The following ZNF75D variants were observed in gnomAD, a reference collection of about 807,000 sequenced individuals.
ZNF75D encodes zinc finger protein 75.
ZNF75D carries 33 observed loss-of-function variants against 33.3 expected under a neutral mutation model. The observed-to-expected ratio is 0.99, with a 90% CI of 0.75 to 1.32. The LOEUF is 1.32. ZNF75D is among the 40% of genes most tolerant of loss of function. ZNF75D has a pLI of 0.00. For missense variants in ZNF75D, 338 were observed against 367.5 expected (o/e 0.92, Z 0.66); for synonymous variants, 113 against 130.6 (o/e 0.87, Z 0.92).
rs2083961605 is a variant in ZNF75D at position 135,286,922 on chromosome X, T to C, written c.*215A>G. 7.5e-6 allele frequency: 3 copies of C among 401,384 alleles called. No individual in the cohort carries two copies. Among genetic ancestry groups the C allele is most frequent in the African/African-American group, 5.2e-5 (2 of 38,712 alleles). 33.1% of individuals were successfully genotyped at this position (401,384 alleles called of 1,213,427 possible). A position where few individuals can be genotyped will look rare whatever the true frequency, so the allele number is the denominator to read the frequency against. ...AGGAATCTCATCACTACACTTTCATTTTTTTATTTATAAAGTACTCCTTAT... is the reference window on the plus strand; with the variant it reads ...AGGAATCTCATCACTACACTTTCATCTTTTTATTTATAAAGTACTCCTTAT... On this transcript the variant is annotated 3_prime_UTR_variant, in exon 7 of 7. Coordinates refer to ENST00000370766, the MANE Select transcript of ZNF75D (RefSeq NM_007131.5).
chrX:135,289,638 ACACAC>A (rs2084009349), intron 6 of ZNF75D, among the ~76,000 whole-genome samples: 3 of 55,078 alleles, frequency 5.4e-5, no homozygotes, highest in African/African-American at 1.4e-4. Flanking sequence ...ACACACACAC[ACACAC>A]ACACACACAC....
intron 1 of ZNF75D, among the ~76,000 whole-genome samples, chrX:135,337,724 C>T (rs1369214134): frequency 9.0e-6 from 1 of 110,569 alleles, no homozygotes; most frequent in Admixed American, 9.7e-5. Context: ...TCCAAGCAGT[C>T]GTCAAATGCT....
intron 1 of ZNF75D, among the ~76,000 whole-genome samples, chrX:135,329,175 T>C (rs782122623): frequency 2.7e-5 from 3 of 112,820 alleles, no homozygotes; most frequent in Non-Finnish European, 5.6e-5. Context: ...CTTTTATATA[T>C]GGCTCCATGA....
rs1556419578 is a variant in ZNF75D at position 135,286,865 on chromosome X, A to T, written c.*272T>A. 3.6e-6 allele frequency: 1 copy of T among 274,759 alleles called. No individual in the cohort carries two copies. Among genetic ancestry groups the T allele is most frequent in the African/African-American group, 2.8e-5 (1 of 35,415 alleles). 22.6% of individuals were successfully genotyped at this position (274,759 alleles called of 1,213,427 possible). On this transcript the variant is annotated 3_prime_UTR_variant, in exon 7 of 7. Transcript: ENST00000370766. Reference sequence around the variant, plus strand: ...GACTGGGGGTGGGGAAGCTTTGAATAACCAGATATATACATATAGATAGAT... The same window carrying T: ...GACTGGGGGTGGGGAAGCTTTGAATTACCAGATATATACATATAGATAGAT...
At position 135,291,146 on chromosome X, in the gene ZNF75D, G is replaced by A. The variant is rs1556421144; in HGVS notation, c.697-11C>T. ...AAATGTCAACAAACTCTAAAGAAGA[G>A]AATGGGCTATAGTTTAGTACTTGCC... On this transcript the variant is annotated splice_polypyrimidine_tract_variant and intron_variant, in intron 5 of 6. Coordinates refer to ENST00000370766, the MANE Select transcript of ZNF75D (RefSeq NM_007131.5). 3 of 1,210,695 alleles carry A rather than the reference G, an allele frequency of 2.5e-6. No individual in the cohort carries two copies. The highest frequency in any genetic ancestry group is 2.2e-5 in the Admixed American group (1 of 45,981).
chrX:135,324,738 G>A (rs1476481886), intron 1 of ZNF75D, among the ~76,000 whole-genome samples: 2 of 112,297 alleles, frequency 1.8e-5, no homozygotes, highest in African/African-American at 3.2e-5. Context: ...AGATGCCCAC[G>A]CTCTAACATT....
chrX:135,288,987 T>C (rs1556420486), intron 6 of ZNF75D, among the ~76,000 whole-genome samples: 1 of 112,677 alleles, frequency 8.9e-6, no homozygotes, highest in African/African-American at 3.2e-5. Flanking sequence ...TAAACCTTGG[T>C]TGGTCCCTGA....
intron 1 of ZNF75D, among the ~76,000 whole-genome samples, chrX:135,260,792 A>G (rs191560156): frequency 1.1e-4 from 12 of 110,760 alleles, no homozygotes; most frequent in Admixed American, 2.9e-4. Context: ...TTGTGTCTCT[A>G]TCTCCTTCAG....
intron 1 of ZNF75D, among the ~76,000 whole-genome samples, chrX:135,261,929 T>C (rs2083844355): frequency 8.9e-6 from 1 of 112,204 alleles, no homozygotes; most frequent in African/African-American, 3.2e-5. Flanking sequence ...TTGCAGTGAC[T>C]GGTACTGGTT....
intron 1 of ZNF75D, among the ~76,000 whole-genome samples, chrX:135,316,014 CT>C (rs2084416558): frequency 9.0e-6 from 1 of 111,156 alleles, no homozygotes; most frequent in Admixed American, 9.5e-5. Context: ...CTTTTTTTCC[CT>C]TATCGTTTGT....
rs1407020353 is a variant in ZNF75D at position 135,343,604 on chromosome X, G to A, written c.-2227C>T. The stretch of plus-strand genomic sequence containing the variant: ...GTCGGGCGGGAGCAGCAGGAGTTCT[G>A]GCTCCGGGCGTAGGAACTTCCATAG... On this transcript the variant is annotated 5_prime_UTR_variant, in exon 1 of 7. Transcript: ENST00000370766. 5 of 111,854 alleles carry A rather than the reference G, an allele frequency of 4.5e-5. No individual in the cohort carries two copies. The highest frequency in any genetic ancestry group is 1.6e-4 in the African/African-American group (5 of 30,693). 9.2% of individuals were successfully genotyped at this position (111,854 alleles called of 1,213,427 possible). A position where few individuals can be genotyped will look rare whatever the true frequency, so the allele number is the denominator to read the frequency against.
At position 135,285,945 on chromosome X, in the gene ZNF75D, G is replaced by A. The variant is rs1242346958; in HGVS notation, c.*1192C>T. 8.9e-6 allele frequency: 1 copy of A among 112,383 alleles called. No individual in the cohort carries two copies. The highest frequency in any genetic ancestry group is 9.4e-5 in the Admixed American group (1 of 10,629). The allele number at this position is 112,383 out of a possible 1,213,427, so 9.3% of individuals were successfully genotyped here. A position where few individuals can be genotyped will look rare whatever the true frequency, so the allele number is the denominator to read the frequency against. On this transcript the variant is annotated 3_prime_UTR_variant, in exon 7 of 7. Coordinates refer to ENST00000370766, the MANE Select transcript of ZNF75D (RefSeq NM_007131.5). ...GGATCTGACATAGATATAAATCCAT[G>A]CCTTCCAACTTCCCTTGACGTCACA... is the stretch of plus-strand genomic sequence containing the variant.
intron 1 of ZNF75D, among the ~76,000 whole-genome samples, chrX:135,296,363 G>T (rs2084130601): frequency 8.9e-6 from 1 of 111,945 alleles, no homozygotes; most frequent in Non-Finnish European, 1.9e-5. Context: ...TGTGCATCCA[G>T]ATTGTTCCTG....
intron 1 of ZNF75D, among the ~76,000 whole-genome samples, chrX:135,257,534 C>A (rs782631661): frequency 8.8e-6 from 1 of 113,285 alleles, no homozygotes; most frequent in Non-Finnish European, 1.9e-5. Context: ...AGGTATTTTA[C>A]TCTAATCCCT....
rs782167064 is a variant in ZNF75D, at chrX:135,291,124, T to C, written c.708A>G (p.Thr236=). The part of the protein sequence containing the change: ...LILPESLSLL[T]FEDVAVYFSE... ...AAAAATACACAGCCACATCTTCAAA[T>C]GTCAACAAACTCTAAAGAAGAGAAT... Residue 236 remains threonine, a synonymous_variant, in exon 6 of 7, where the codon ACA becomes ACG. Transcript: ENST00000370766. 4.1e-6 allele frequency: 5 copies of C among 1,211,754 alleles called. No homozygotes were observed. Among genetic ancestry groups the C allele is most frequent in the Non-Finnish European group, 5.6e-6 (5 of 895,359 alleles).
At chrX:135,321,855 T>G (rs2084499450) in intron 1 of ZNF75D, among the ~76,000 whole-genome samples, 1 of 112,022 alleles carries the variant, frequency 8.9e-6, no homozygotes, top group African/African-American at 3.2e-5. Context: ...CGGTAATAGA[T>G]CTGGCTGAAG....
intron 1 of ZNF75D, among the ~76,000 whole-genome samples, chrX:135,306,520 C>T (rs1406672472): frequency 8.9e-6 from 1 of 111,764 alleles, no homozygotes; most frequent in East Asian, 2.8e-4. Context: ...GACAAGCTCC[C>T]CCTCTTACAT....
intron 1 of ZNF75D, among the ~76,000 whole-genome samples, chrX:135,264,135 C>T (rs1210552916): frequency 1.8e-5 from 2 of 111,753 alleles, no homozygotes; most frequent in African/African-American, 3.3e-5. Flanking sequence ...TAACTGGAAA[C>T]GTGACTTGGA....
At chrX:135,285,228 AT>A (rs2083936687), downstream of ZNF75D, among the ~76,000 whole-genome samples, 1 of 111,595 alleles carries the variant, frequency 9.0e-6, no homozygotes. Context: ...TGGCTTGAGG[AT>A]GCACCTAGTA....
Sources: allele counts gnomAD v4.1 joint callset (sites outside exome capture counted in the v4.1 genomes callset), GRCh38; gene constraint gnomAD v4.1.1; transcripts MANE v1.5; gene names NCBI Gene and HGNC (gene_info 2026-07-23, HGNC 2026-07-21).